Variants in TRIR observed in about 807,000 individuals in gnomAD.
TRIR encodes telomerase RNA component-interacting RNase.
TRIR carries 5 observed loss-of-function variants against 18.2 expected under a neutral mutation model. That is an observed-to-expected ratio of 0.27 (90% CI 0.14 to 0.58). The LOEUF (loss-of-function observed/expected upper bound fraction) is 0.58, where lower values mean the gene tolerates loss of function less well. Ranked by LOEUF, TRIR falls within the 20% of genes least tolerant of loss-of-function variation. TRIR has a pLI of 0.91. For synonymous variants in TRIR, 134 were observed against 114.4 expected (o/e 1.17, Z -1.10); for missense variants, 206 against 252.8 (o/e 0.81, Z 1.25).
chr19:12,732,428 G>A (rs908295371), intron 1 of TRIR, among the ~76,000 whole-genome samples: 1 of 152,026 alleles, frequency 6.6e-6, no homozygotes, highest in Non-Finnish European at 1.5e-5. Context: ...ACCAACCCTG[G>A]TCCTGACGCT....
At position 12,734,568 on chromosome 19, in the gene TRIR, C is replaced by T. The variant is rs1356944237; in HGVS notation, c.90G>A (p.Glu30=). The change falls in exon 1 of 3, where the codon GAG becomes GAA. Residue 30 remains glutamate, a synonymous_variant. Coordinates refer to ENST00000242784, the MANE Select transcript of TRIR (RefSeq NM_024038.4). This position sits in a 1 kb window ranked among gnomAD's most constrained non-coding sequence, Gnocchi z 4.1. The stretch of plus-strand genomic sequence containing the variant: ...TCTCGGGCGACGTCCCCGATCCCGA[C>T]TCAGCCCAACGGCTCCCGCCACCGC... ...GGGGGGSRWA[E]SGSGTSPESG... is the part of the protein sequence containing the mutation. 24 of 1,528,628 alleles carry T rather than the reference C, an allele frequency of 1.6e-5. No individual in the cohort carries two copies. Among genetic ancestry groups the T allele is most frequent in the Non-Finnish European group, 2.0e-5 (23 of 1,142,680 alleles). 94.7% of individuals were successfully genotyped at this position (1,528,628 alleles called of 1,614,324 possible).
At position 12,731,403 on chromosome 19, in the gene TRIR, C is replaced by T. The variant is rs186539758; in HGVS notation, c.364G>A (p.Gly122Arg). 16 of 1,613,736 alleles carry T rather than the reference C, an allele frequency of 9.9e-6. No individual in the cohort carries two copies. The highest frequency in any genetic ancestry group is 3.3e-5 in the South Asian group (3 of 91,058). The part of the protein sequence containing the change: ...TLSFVGKRRG[G>R]NKLALKTGIV... ...CCCGTCTTGAGGGCTAGTTTGTTCC[C>T]GCCTCTGCGTTTGCCCACCTGGGTG... The change falls in exon 2 of 3, where the codon GGG becomes AGG. Residue 122 changes from glycine (G) to arginine (R), a missense_variant. Physicochemically the swap from Gly to Arg is moderately radical, Grantham distance 125. Coordinates refer to ENST00000242784, the MANE Select transcript of TRIR (RefSeq NM_024038.4). This position sits in a 1 kb window ranked among gnomAD's most constrained non-coding sequence, Gnocchi z 5.1.
chr19:12,732,526 G>A lies in TRIR; in HGVS notation c.346-1105C>T, dbSNP rs554889509. Among the ~76,000 whole-genome samples the A allele has an allele frequency of 4.0e-5, 6 of 151,624 alleles. No individual in the cohort carries two copies. The East Asian group carries it at 9.7e-4, about 24-fold the overall frequency. ...CTCCCATTGATTGAGGGCTTCCTGC[G>A]CTCCAGGGGCTCCAACAGTCTTCAC... On this transcript the variant is annotated intron_variant, in intron 1 of 2. Coordinates refer to ENST00000242784, the MANE Select transcript of TRIR (RefSeq NM_024038.4).
chr19:12,731,613 G>T lies in TRIR; in HGVS notation c.346-192C>A. 1.6e-6 allele frequency: 1 copy of T among 607,248 alleles called. No homozygotes were observed. 37.6% of individuals were successfully genotyped at this position (607,248 alleles called of 1,614,324 possible). A position where few individuals can be genotyped will look rare whatever the true frequency, so the allele number is the denominator to read the frequency against. Reference sequence around the variant, plus strand: ...ACTCAGCGCCTGCCCTGGGCCCGCGGTGCCCTCCCAGGGAGCAAGAAGAGT... The same window carrying T: ...ACTCAGCGCCTGCCCTGGGCCCGCGTTGCCCTCCCAGGGAGCAAGAAGAGT... On this transcript the variant is annotated intron_variant, in intron 1 of 2. Transcript: ENST00000242784. The surrounding 1 kb of genome is among the most constrained non-coding windows in gnomAD (Gnocchi z 5.1).
chr19:12,731,202 C>A lies in TRIR; in HGVS notation c.424-134G>T. 1 of 1,265,098 alleles carries A rather than the reference C, an allele frequency of 7.9e-7. No homozygotes were observed. Among genetic ancestry groups the A allele is most frequent in the Non-Finnish European group, 1.1e-6 (1 of 870,318 alleles). The allele number at this position is 1,265,098 out of a possible 1,614,324, so 78.4% of individuals were successfully genotyped here. A position where few individuals can be genotyped will look rare whatever the true frequency, so the allele number is the denominator to read the frequency against. On this transcript the variant is annotated intron_variant, in intron 2 of 2. Coordinates refer to ENST00000242784, the MANE Select transcript of TRIR (RefSeq NM_024038.4). This position sits in a 1 kb window ranked among gnomAD's most constrained non-coding sequence, Gnocchi z 5.1. ...GCTGAAGATTATAAAGTCAAGTTAT[C>A]TGGGGACCCATTGACAGCCCTCCTA...
chr19:12,732,532 GGGGCTCCAACA>G (rs1407354756), intron 1 of TRIR, among the ~76,000 whole-genome samples: 1 of 152,044 alleles, frequency 6.6e-6, no homozygotes, highest in African/African-American at 2.4e-5. Flanking sequence ...CTGCGCTCCA[GGGGCTCCAACA>G]GTCTTCACAG....
chr19:12,732,596 A>AC (rs1457660707), intron 1 of TRIR, among the ~76,000 whole-genome samples: 1 of 136,712 alleles, frequency 7.3e-6, no homozygotes, highest in African/African-American at 2.7e-5. Context: ...GACTATTTCC[A>AC]TTTTTTTTTT....
rs1201211736 is a variant in TRIR, at chr19:12,734,364, A to G, written c.294T>C (p.Ala98=). 1.4e-6 allele frequency: 2 copies of G among 1,473,218 alleles called. No individual in the cohort carries two copies. Among genetic ancestry groups the G allele is most frequent in the Non-Finnish European group, 1.8e-6 (2 of 1,113,322 alleles). 91.3% of individuals were successfully genotyped at this position (1,473,218 alleles called of 1,614,324 possible). ...CCTTCCTCTTCGGATCCCCGGGGCC[A>G]GCGGCGGCGGCCGACTGGTCGGGTC... is the stretch of plus-strand genomic sequence containing the variant. ...PQRPDQSAAA[A]GPGDPKRKGG... The change falls in exon 1 of 3, where the codon GCT becomes GCC. Residue 98 remains alanine (A), a synonymous_variant. Transcript: ENST00000242784. This position sits in a 1 kb window ranked among gnomAD's most constrained non-coding sequence, Gnocchi z 4.1.
In TRIR at chr19:12,731,686, C is replaced by T; in HGVS notation, c.346-265G>A. 2.0e-6 allele frequency: 1 copy of T among 509,812 alleles called. No individual in the cohort carries two copies. 31.6% of individuals were successfully genotyped at this position (509,812 alleles called of 1,614,324 possible). On this transcript the variant is annotated intron_variant, in intron 1 of 2. Coordinates refer to ENST00000242784, the MANE Select transcript of TRIR (RefSeq NM_024038.4). This position sits in a 1 kb window ranked among gnomAD's most constrained non-coding sequence, Gnocchi z 5.1. The stretch of plus-strand genomic sequence containing the variant: ...TCTGTTCTCACTTTCCACGCCAAGG[C>T]CTCACCCTCCCTAGCAGGGACCACA...
chr19:12,734,565 C>G lies in TRIR; in HGVS notation c.93G>C (p.Ser31=). ...CGCTCTCGGGCGACGTCCCCGATCC[C>G]GACTCAGCCCAACGGCTCCCGCCAC... The part of the protein sequence containing the change: ...GGGGGSRWAE[S]GSGTSPESGD... Residue 31 remains serine, a synonymous_variant, in exon 1 of 3, where the codon TCG becomes TCC. Coordinates refer to ENST00000242784, the MANE Select transcript of TRIR (RefSeq NM_024038.4). The surrounding 1 kb of genome is among the most constrained non-coding windows in gnomAD (Gnocchi z 4.1). 6.5e-7 allele frequency: 1 copy of G among 1,529,468 alleles called. No individual in the cohort carries two copies. The highest frequency in any genetic ancestry group is 8.7e-7 in the Non-Finnish European group (1 of 1,142,876). 94.7% of individuals were successfully genotyped at this position (1,529,468 alleles called of 1,614,324 possible). A position where few individuals can be genotyped will look rare whatever the true frequency, so the allele number is the denominator to read the frequency against.
Position 12,734,652 on chromosome 19 carries a change from A to T in TRIR, c.6T>A (p.Ala2=), listed in dbSNP as rs1187726820. 4.0e-6 allele frequency: 6 copies of T among 1,505,526 alleles called. No homozygotes were observed. The African/African-American group carries it at 8.7e-5, about 22-fold the overall frequency. The allele number at this position is 1,505,526 out of a possible 1,614,324, so 93.3% of individuals were successfully genotyped here. A position where few individuals can be genotyped will look rare whatever the true frequency, so the allele number is the denominator to read the frequency against. The change falls in exon 1 of 3, where the codon GCT becomes GCA. Residue 2 remains alanine (A), a synonymous_variant. Coordinates refer to ENST00000242784, the MANE Select transcript of TRIR (RefSeq NM_024038.4). This position sits in a 1 kb window ranked among gnomAD's most constrained non-coding sequence, Gnocchi z 4.1. ...GAGGCTCCGCCCGTCTCCCTCGGGC[A>T]GCCATTTTGTCGCCAGGTGCCGCGC... The part of the protein sequence containing the change: M[A]ARGRRAEPQG...
In TRIR at chr19:12,734,039, G is replaced by A. The variant is rs1195722838; in HGVS notation, c.345+274C>T. On this transcript the variant is annotated intron_variant, in intron 1 of 2. Coordinates refer to ENST00000242784, the MANE Select transcript of TRIR (RefSeq NM_024038.4). This position sits in a 1 kb window ranked among gnomAD's most constrained non-coding sequence, Gnocchi z 4.1. ...CAAGGTCCGGGTACCACTCAAACAG[G>A]AATCCTGATATCCACGTTTCCTCAT... Among the ~76,000 whole-genome samples the A allele has an allele frequency of 1.3e-5, 2 of 152,180 alleles. No individual in the cohort carries two copies. Among genetic ancestry groups the A allele is most frequent in the Non-Finnish European group, 2.9e-5 (2 of 68,038 alleles).
At chr19:12,732,782 G>C (rs542863577) in intron 1 of TRIR, among the ~76,000 whole-genome samples, 31 of 152,132 alleles carry the variant, frequency 2.0e-4, no homozygotes, top group African/African-American at 7.2e-4. Flanking sequence ...TAGAGTCAGG[G>C]TTTCACCACG....
rs1182157513 is a variant in TRIR, at chr19:12,731,522, T to A, written c.346-101A>T. The A allele has an allele frequency of 7.7e-7, 1 of 1,296,016 alleles. No individual in the cohort carries two copies. The highest frequency in any genetic ancestry group is 2.0e-4 in the Middle Eastern group (1 of 5,104). The allele number at this position is 1,296,016 out of a possible 1,614,324, so 80.3% of individuals were successfully genotyped here. On this transcript the variant is annotated intron_variant, in intron 1 of 2. Transcript: ENST00000242784. The surrounding 1 kb of genome is among the most constrained non-coding windows in gnomAD (Gnocchi z 5.1). ...CTTCCTAGCCCGGCCTGGTGGCCCGTCCTGACGCCGCGCCCAGCTCCGCCA... is the reference window on the plus strand; with the variant it reads ...CTTCCTAGCCCGGCCTGGTGGCCCGACCTGACGCCGCGCCCAGCTCCGCCA...
At chr19:12,733,207 C>T (rs8100789) in intron 1 of TRIR, among the ~76,000 whole-genome samples, 4,473 of 152,276 alleles carry the variant, frequency 0.029, 210 homozygotes, top group African/African-American at 0.1. Flanking sequence ...CTGCACCCAA[C>T]CCACGCCCAT....
Position 12,734,161 on chromosome 19 carries a change from G to T in TRIR, c.345+152C>A. On this transcript the variant is annotated intron_variant, in intron 1 of 2. Coordinates refer to ENST00000242784, the MANE Select transcript of TRIR (RefSeq NM_024038.4). This position sits in a 1 kb window ranked among gnomAD's most constrained non-coding sequence, Gnocchi z 4.1. ...TCCCGCCCCTAGACCCCAGTTGTCG[G>T]GAATCCAAGTTCCACACCCTCAGCG... is the stretch of plus-strand genomic sequence containing the variant. 1.2e-6 allele frequency: 1 copy of T among 820,544 alleles called. No individual in the cohort carries two copies. The highest frequency in any genetic ancestry group is 2.3e-5 in the South Asian group (1 of 43,184). 50.8% of individuals were successfully genotyped at this position (820,544 alleles called of 1,614,324 possible). A position where few individuals can be genotyped will look rare whatever the true frequency, so the allele number is the denominator to read the frequency against.
chr19:12,734,497 C>G lies in TRIR; in HGVS notation c.161G>C (p.Gly54Ala), dbSNP rs1967497014. The change falls in exon 1 of 3, where the codon GGC becomes GCC. Residue 54 changes from glycine (G) to alanine (A), a missense_variant. Around this residue, in one of 2 missense-constraint regions of TRIR, gnomAD observed 172 missense variants for 165.0 expected, o/e 1.04. Transcript: ENST00000242784. The surrounding 1 kb of genome is among the most constrained non-coding windows in gnomAD (Gnocchi z 4.1). ...GTCGTTGGCGAACAAGTTCACGCCG[C>G]CCGACACCGGGCTCGAACCCGCGCC... is the stretch of plus-strand genomic sequence containing the variant. ...VSGAGSSPVS[G>A]GVNLFANDGS... The G allele has an allele frequency of 6.5e-7, 1 of 1,536,094 alleles. No individual in the cohort carries two copies.
At chr19:12,733,360 A>G (rs1397856138) in intron 1 of TRIR, among the ~76,000 whole-genome samples, 2 of 152,228 alleles carry the variant, frequency 1.3e-5, no homozygotes, top group African/African-American at 4.8e-5. Flanking sequence ...TTAACACCAC[A>G]GACATGGCAA....
At chr19:12,732,369 C>T (rs1019800892) in intron 1 of TRIR, among the ~76,000 whole-genome samples, 8 of 152,034 alleles carry the variant, frequency 5.3e-5, no homozygotes, top group Admixed American at 6.6e-5. Context: ...AAAGATGCAA[C>T]GACGACTGCT....
Sources: gnomAD v4.1 joint callset for allele counts (sites outside exome capture counted in the v4.1 genomes callset) on GRCh38, gnomAD v4.1.1 for gene constraint, gnomAD v4.1.1 regional missense constraint, Gnocchi (gnomAD v3.1) non-coding constraint, MANE v1.5 for transcripts, NCBI Gene and HGNC (gene_info 2026-07-23, HGNC 2026-07-21) for gene names.